Variants in SMG6 observed in about 807,000 individuals in gnomAD.
The protein encoded by SMG6 is telomerase-binding protein EST1A.
A neutral mutation model predicts 142.2 loss-of-function variants in SMG6; 66 were observed. The ratio of observed to expected loss-of-function variants is 0.46; its 90% confidence interval spans 0.38 to 0.57. The LOEUF is 0.57. Among genes scored for constraint, SMG6 ranks in the 20% least tolerant of loss-of-function variants. SMG6 has a pLI of 0.00. For synonymous variants in SMG6, 779 were observed against 702.4 expected (o/e 1.11, Z -1.72); for missense variants, 1,793 against 1,832.0 (o/e 0.98, Z 0.39).
intron 9 of SMG6, chr17:2,237,578 T>C (rs1474707136): frequency 2.0e-6 from 2 of 985,376 alleles, no homozygotes; most frequent in Non-Finnish European, 2.4e-6. Flanking sequence ...TCGGGGTCTG[T>C]ATGTTTTCAG....
chr17:2,083,601 C>T (rs1202280586), intron 14 of SMG6, among the ~76,000 whole-genome samples: 1 of 152,232 alleles, frequency 6.6e-6, no homozygotes, highest in Non-Finnish European at 1.5e-5. Context: ...CAGCGCTCAC[C>T]TCCAGAGAGG....
At position 2,081,948 on chromosome 17, in the gene SMG6, A is replaced by G; in HGVS notation, c.3543T>C (p.Asp1181=). 1 of 1,613,990 alleles carries G rather than the reference A, an allele frequency of 6.2e-7. No individual in the cohort carries two copies. The highest frequency in any genetic ancestry group is 8.5e-7 in the Non-Finnish European group (1 of 1,179,964). ...EGTRLEDEEE[D]VVIEDFEEDS... is the part of the protein sequence containing the mutation. Reference sequence around the variant, plus strand: ...CTTCCTCAAAGTCTTCAATCACCACATCCTCCTCCTTTGGGTGGTGGAGCC... The same window carrying G: ...CTTCCTCAAAGTCTTCAATCACCACGTCCTCCTCCTTTGGGTGGTGGAGCC... The change falls in exon 15 of 19, where the codon GAT becomes GAC. Residue 1181 remains aspartate, a synonymous_variant. Transcript: ENST00000263073.
At chr17:2,092,187 T>C (rs1003619135) in intron 13 of SMG6, among the ~76,000 whole-genome samples, 18 of 152,176 alleles carry the variant, frequency 1.2e-4, no homozygotes, top group Admixed American at 1.0e-3. Context: ...GGTTTCGCCA[T>C]GTTGGCCAGG....
chr17:2,299,011 A>G lies in SMG6; in HGVS notation c.1742T>C (p.Leu581Pro). The G allele has an allele frequency of 1.2e-6, 2 of 1,614,176 alleles. No individual in the cohort carries two copies. Among genetic ancestry groups the G allele is most frequent in the Non-Finnish European group, 1.7e-6 (2 of 1,180,038 alleles). The change falls in exon 2 of 19, where the codon CTG becomes CCG. Residue 581 changes from leucine to proline, a missense_variant. Coordinates refer to ENST00000263073, the MANE Select transcript of SMG6 (RefSeq NM_017575.5). This position sits in a 1 kb window ranked among gnomAD's most constrained non-coding sequence, Gnocchi z 4.3. Reference protein sequence around the residue: ...QHMRNLQQQELHRLLRVADNQ... With the variant: ...QHMRNLQQQEPHRLLRVADNQ... The stretch of plus-strand genomic sequence containing the variant: ...GTCAGCCACCCGGAGAAGCCTGTGC[A>G]GCTCCTGTTGCTGCAGGTTCCTCAT...
At chr17:2,227,492 A>G (rs554758090) in intron 10 of SMG6, among the ~76,000 whole-genome samples, 20 of 152,362 alleles carry the variant, frequency 1.3e-4, no homozygotes, top group African/African-American at 4.8e-4. Context: ...GCACACTCTT[A>G]GGATTCCATT....
At chr17:2,162,305 G>C (rs987139142) in intron 13 of SMG6, among the ~76,000 whole-genome samples, 9 of 152,148 alleles carry the variant, frequency 5.9e-5, no homozygotes, top group Admixed American at 5.9e-4. Flanking sequence ...GAGGTCAGGA[G>C]ATCGAGACCA....
chr17:2,282,232 ATATCC>A (rs775243151), intron 8 of SMG6, among the ~76,000 whole-genome samples: 54 of 152,082 alleles, frequency 3.6e-4, no homozygotes, highest in Non-Finnish European at 7.5e-4. Context: ...TTATAAGAGG[ATATCC>A]CATAGAAAGC....
intron 15 of SMG6, among the ~76,000 whole-genome samples, chr17:2,077,076 T>C (rs1398134393): frequency 6.6e-6 from 1 of 152,200 alleles, no homozygotes; most frequent in Non-Finnish European, 1.5e-5. Flanking sequence ...ATCCTGGACT[T>C]GCGTTTTGTA....
Position 2,281,844 on chromosome 17 carries a change from CAG to C in SMG6, c.2661+801_2661+802del, listed in dbSNP as rs945189672. Among the ~76,000 whole-genome samples the C allele has an allele frequency of 4.3e-4, 66 of 152,184 alleles. 3 individuals carry two copies. Among genetic ancestry groups the C allele is most frequent in the Non-Finnish European group, 1.3e-4 (9 of 68,020 alleles). On this transcript the variant is annotated intron_variant, in intron 8 of 18. Coordinates refer to ENST00000263073, the MANE Select transcript of SMG6 (RefSeq NM_017575.5). ...TCCACCTACCGTGCTCTCTCTCCCC[CAG>C]CCAGCCTCAGCCCTTTGCATATGCT...
chr17:2,300,949 C>A (rs1597244127), intron 1 of SMG6, among the ~76,000 whole-genome samples: 1 of 152,148 alleles, frequency 6.6e-6, no homozygotes, highest in East Asian at 1.9e-4. Context: ...TATGTGTCAT[C>A]CAAGTCATAT....
chr17:2,244,050 C>T (rs893228253), intron 9 of SMG6, among the ~76,000 whole-genome samples: 1 of 152,154 alleles, frequency 6.6e-6, no homozygotes, highest in African/African-American at 2.4e-5. Context: ...ACTCAAAACT[C>T]GATCTGTTTC....
At position 2,088,165 on chromosome 17, in the gene SMG6, C is replaced by T. The variant is rs190149981; in HGVS notation, c.3358-2264G>A. 22 of 985,388 alleles carry T rather than the reference C, an allele frequency of 2.2e-5. No homozygotes were observed. In the East Asian group the frequency reaches 5.7e-4, roughly 26 times the overall value. 61.0% of individuals were successfully genotyped at this position (985,388 alleles called of 1,614,324 possible). On this transcript the variant is annotated intron_variant, in intron 13 of 18. Coordinates refer to ENST00000263073, the MANE Select transcript of SMG6 (RefSeq NM_017575.5). The stretch of plus-strand genomic sequence containing the variant: ...GCCCAGGACAGGAGTGTGCCACGGA[C>T]ACATGCACAGACAGGCGGGCAGGAG...
intron 10 of SMG6, among the ~76,000 whole-genome samples, chr17:2,195,044 G>A (rs2072281776): frequency 6.6e-6 from 1 of 152,206 alleles, no homozygotes; most frequent in Admixed American, 6.5e-5. Context: ...CTAGCAAGAG[G>A]CGGCCTGGGA....
chr17:2,086,385 G>A (rs1244547036), intron 13 of SMG6, among the ~76,000 whole-genome samples: 1 of 152,136 alleles, frequency 6.6e-6, no homozygotes, highest in Non-Finnish European at 1.5e-5. Flanking sequence ...GAATGCTAAG[G>A]GCTTTCTTGG....
chr17:2,210,887 C>T (rs985381411), intron 10 of SMG6, among the ~76,000 whole-genome samples: 1 of 151,900 alleles, frequency 6.6e-6, no homozygotes, highest in African/African-American at 2.4e-5. Flanking sequence ...AGCTTTTACA[C>T]CTAGGTAAGC....
At chr17:2,282,575 A>C in intron 8 of SMG6, 72 bp downstream of exon 8, 1 of 1,462,048 alleles carries the variant, frequency 6.8e-7, no homozygotes, top group South Asian at 1.1e-5. Flanking sequence ...TCTGTGCCTC[A>C]CAGCTGTATG....
At chr17:2,088,109 G>A in intron 13 of SMG6, 12 of 985,438 alleles carry the variant, frequency 1.2e-5, no homozygotes, top group Non-Finnish European at 1.4e-5. Flanking sequence ...GAGGTACACT[G>A]GCACCCCTGC....
At chr17:2,223,413 A>T (rs1338605651) in intron 10 of SMG6, among the ~76,000 whole-genome samples, 1 of 152,212 alleles carries the variant, frequency 6.6e-6, no homozygotes, top group Non-Finnish European at 1.5e-5. Context: ...GAACACTCCA[A>T]TTACAGTAAA....
At chr17:2,084,858 C>A (rs1484462291) in intron 14 of SMG6, among the ~76,000 whole-genome samples, 3 of 152,158 alleles carry the variant, frequency 2.0e-5, no homozygotes, top group Non-Finnish European at 4.4e-5. Flanking sequence ...ATACCCACAC[C>A]CAGACACACA....
Sources: gnomAD v4.1 joint callset for allele counts (sites outside exome capture counted in the v4.1 genomes callset) on GRCh38, gnomAD v4.1.1 for gene constraint, Gnocchi (gnomAD v3.1) non-coding constraint, MANE v1.5 for transcripts, NCBI Gene and HGNC (gene_info 2026-07-23, HGNC 2026-07-21) for gene names.